IPCEF1: variants seen among roughly 807,000 people sequenced by gnomAD.
IPCEF1 encodes interaction protein for cytohesin exchange factors 1, also known as interactor protein for cytohesin exchange factors 1.
IPCEF1 carries 31 observed loss-of-function variants against 50.9 expected under a neutral mutation model. The ratio of observed to expected loss-of-function variants is 0.61; its 90% CI spans 0.46 to 0.82. The LOEUF (loss-of-function observed/expected upper bound fraction) is 0.82. Among genes scored for constraint, IPCEF1 ranks in the 40% least tolerant of loss-of-function variants. The pLI is 0.00. For missense variants in IPCEF1, 458 were observed against 514.0 expected (o/e 0.89, Z 1.05); for synonymous variants, 181 against 192.0 (o/e 0.94, Z 0.47).
At chr6:154,283,368 G>A (rs977808110) in intron 2 of IPCEF1, among the ~76,000 whole-genome samples, 3 of 150,976 alleles carry the variant, frequency 2.0e-5, no homozygotes, top group Admixed American at 6.6e-5. Context: ...AGGCCGAGGC[G>A]GGTAGATCAC....
chr6:154,231,783 T>C (rs1779744060), intron 5 of IPCEF1, among the ~76,000 whole-genome samples: 1 of 152,228 alleles, frequency 6.6e-6, no homozygotes, highest in South Asian at 2.1e-4. Flanking sequence ...GACTTGGTTG[T>C]AACTTGTTAC....
At chr6:154,247,326 C>T (rs1389919949) in intron 4 of IPCEF1, 123 bp downstream of exon 4, 6 of 712,028 alleles carry the variant, frequency 8.4e-6, no homozygotes, top group African/African-American at 5.4e-5. Context: ...ATTAATCTGC[C>T]GTCCACCTCC....
chr6:154,301,137 T>G (rs1435468825), intron 1 of IPCEF1, among the ~76,000 whole-genome samples: 1 of 152,202 alleles, frequency 6.6e-6, no homozygotes, highest in Non-Finnish European at 1.5e-5. Context: ...AGAGTTGAAA[T>G]CAACATGTAG....
intron 10 of IPCEF1, among the ~76,000 whole-genome samples, chr6:154,185,774 A>T (rs190352838): frequency 7.4e-4 from 113 of 152,356 alleles, no homozygotes; most frequent in African/African-American, 2.6e-3. Context: ...AACAAAAGCT[A>T]AAAAGAAAAA....
intron 10 of IPCEF1, among the ~76,000 whole-genome samples, chr6:154,189,686 G>A (rs962786228): frequency 3.9e-5 from 6 of 152,152 alleles, no homozygotes; most frequent in East Asian, 3.9e-4. Flanking sequence ...ACATCACACC[G>A]GGCCAGGCGC....
chr6:154,340,610 G>C lies in IPCEF1; in HGVS notation c.-62+16062C>G, dbSNP rs1455687633. ...AATTAAAATATGTAAGAAGGGCCAG[G>C]CGCGGTGACTCACGCCTGTAATCCC... On this transcript the variant is annotated intron_variant, in intron 1 of 11. Coordinates refer to ENST00000367220, the MANE Select transcript of IPCEF1 (RefSeq NM_001130700.2). Among the ~76,000 whole-genome samples the C allele has an allele frequency of 3.9e-5, 6 of 152,054 alleles. No homozygotes were observed. In the East Asian group the frequency reaches 1.2e-3, roughly 30 times the overall value.
At chr6:154,311,844 A>C (rs1413558941) in intron 1 of IPCEF1, among the ~76,000 whole-genome samples, 2 of 152,222 alleles carry the variant, frequency 1.3e-5, no homozygotes, top group African/African-American at 4.8e-5. Context: ...GTAGTCAGTC[A>C]ATGGGAAGGA....
At chr6:154,329,261 T>A (rs1286322691) in intron 1 of IPCEF1, among the ~76,000 whole-genome samples, 1 of 151,954 alleles carries the variant, frequency 6.6e-6, no homozygotes, top group Non-Finnish European at 1.5e-5. Context: ...ATTTTTTTTT[T>A]AATCAGCTGA....
intron 10 of IPCEF1, among the ~76,000 whole-genome samples, chr6:154,169,686 T>C (rs1395431117): frequency 6.6e-6 from 1 of 152,192 alleles, no homozygotes; most frequent in African/African-American, 2.4e-5. Flanking sequence ...AACCACACTT[T>C]GCCAGCCTCG....
At chr6:154,316,286 A>G (rs189342707) in intron 1 of IPCEF1, among the ~76,000 whole-genome samples, 373 of 152,346 alleles carry the variant, frequency 2.4e-3, no homozygotes, top group Non-Finnish European at 3.2e-3. Context: ...TTAATAAACT[A>G]CAGCACAGCA....
intron 1 of IPCEF1, among the ~76,000 whole-genome samples, chr6:154,328,343 C>T (rs1218505686): frequency 6.6e-6 from 1 of 152,150 alleles, no homozygotes; most frequent in Non-Finnish European, 1.5e-5. Context: ...GATCCTTGGC[C>T]AATCAACTGG....
At chr6:154,350,144 T>G (rs1784097279) in intron 1 of IPCEF1, among the ~76,000 whole-genome samples, 1 of 152,228 alleles carries the variant, frequency 6.6e-6, no homozygotes, top group East Asian at 1.9e-4. Flanking sequence ...TAAAATGATC[T>G]AACATCCATT....
intron 1 of IPCEF1, among the ~76,000 whole-genome samples, chr6:154,324,266 T>C (rs1481500828): frequency 1.3e-5 from 2 of 152,278 alleles, no homozygotes; most frequent in East Asian, 1.9e-4. Context: ...AATATTTGGA[T>C]ATATAAAATA....
At chr6:154,281,031 A>G (rs1409942824) in intron 2 of IPCEF1, among the ~76,000 whole-genome samples, 1 of 151,866 alleles carries the variant, frequency 6.6e-6, no homozygotes, top group Non-Finnish European at 1.5e-5. Context: ...GAGAATCCCC[A>G]TCTCAACAAA....
At chr6:154,205,481 G>A (rs1432061392) in intron 9 of IPCEF1, among the ~76,000 whole-genome samples, 1 of 152,126 alleles carries the variant, frequency 6.6e-6, no homozygotes, top group Non-Finnish European at 1.5e-5. Flanking sequence ...TGTAATCCCA[G>A]CTACTTGGGA....
intron 10 of IPCEF1, among the ~76,000 whole-genome samples, chr6:154,171,596 A>C (rs1159519906): frequency 6.6e-6 from 1 of 152,214 alleles, no homozygotes; most frequent in Non-Finnish European, 1.5e-5. Context: ...TGAACTGTAC[A>C]CTTTCATGTG....
At chr6:154,336,102 AG>A (rs1331098765) in intron 1 of IPCEF1, among the ~76,000 whole-genome samples, 2 of 152,226 alleles carry the variant, frequency 1.3e-5, no homozygotes, top group Non-Finnish European at 2.9e-5. Flanking sequence ...TGTGGAAAAT[AG>A]TATGAAGATT....
In IPCEF1 at chr6:154,157,663, A is replaced by G. The variant is rs1798770165; in HGVS notation, c.*2165T>C. 6.6e-6 allele frequency: 1 copy of G among 152,252 alleles called. No individual in the cohort carries two copies. Among genetic ancestry groups the G allele is most frequent in the East Asian group, 1.9e-4 (1 of 5,204 alleles). 9.4% of individuals were successfully genotyped at this position (152,252 alleles called of 1,614,324 possible). ...GTGTCTGGAGCTCTTCAATTTAAGA[A>G]AAACTGGAAGTCTACAGGCTGGTGT... On this transcript the variant is annotated 3_prime_UTR_variant, in exon 12 of 12. Coordinates refer to ENST00000367220, the MANE Select transcript of IPCEF1 (RefSeq NM_001130700.2).
At chr6:154,290,134 T>C (rs1782476007) in intron 1 of IPCEF1, among the ~76,000 whole-genome samples, 1 of 152,124 alleles carries the variant, frequency 6.6e-6, no homozygotes, top group Non-Finnish European at 1.5e-5. Context: ...TGATAAGATC[T>C]CAGGAGATGG....
Sources: allele counts gnomAD v4.1 joint callset (sites outside exome capture counted in the v4.1 genomes callset), GRCh38; gene constraint gnomAD v4.1.1; transcripts MANE v1.5; gene names NCBI Gene and HGNC (gene_info 2026-07-23, HGNC 2026-07-21).